SOX6: variants seen among roughly 807,000 people sequenced by gnomAD.
The protein encoded by SOX6 is transcription factor SOX-6.
SOX6 carries 11 observed loss-of-function variants against 97.8 expected under a neutral mutation model. That is an observed-to-expected ratio of 0.11 (90% CI 0.07 to 0.19). The LOEUF (loss-of-function observed/expected upper bound fraction) is 0.19. Among genes scored for constraint, SOX6 ranks in the 10% least tolerant of loss-of-function variants. The pLI is 1.00. For synonymous variants in SOX6, 360 were observed against 371.4 expected, an observed-to-expected ratio of 0.97 and a Z score of 0.35; for missense variants, 810 against 1,039.5, an observed-to-expected ratio of 0.78 and a Z score of 3.04.
intron 6 of SOX6, among the ~76,000 whole-genome samples, chr11:16,122,989 A>G (rs16932580): frequency 0.093 from 14,196 of 152,054 alleles, 1,354 homozygotes; most frequent in East Asian, 0.37. Flanking sequence ...GTCTAACTTT[A>G]AAGTTCACCA....
intron 4 of SOX6, among the ~76,000 whole-genome samples, chr11:16,513,936 C>T (rs919431903): frequency 6.6e-6 from 1 of 152,000 alleles, no homozygotes; most frequent in Non-Finnish European, 1.5e-5. Context: ...AGACTGCAAA[C>T]TGTTGGGATT....
chr11:16,537,173 C>T (rs1418181510), intron 4 of SOX6, among the ~76,000 whole-genome samples: 4 of 152,182 alleles, frequency 2.6e-5, no homozygotes, highest in Non-Finnish European at 4.4e-5. Flanking sequence ...GTTGGTGATA[C>T]CCAGGCAAAC....
At chr11:16,629,895 ATAATATTTTCTATGG>A (rs2133994865) in intron 3 of SOX6, among the ~76,000 whole-genome samples, 1 of 152,318 alleles carries the variant, frequency 6.6e-6, no homozygotes, top group African/African-American at 2.4e-5. Context: ...AGAGATGTTC[ATAATATTTTCTATGG>A]ATATTTTGTA....
chr11:16,687,089 C>G (rs1408401373), intron 3 of SOX6, among the ~76,000 whole-genome samples: 2 of 152,196 alleles, frequency 1.3e-5, no homozygotes, highest in Admixed American at 1.3e-4. Flanking sequence ...CATGCTGATG[C>G]ACTCCAGCCT....
intron 9 of SOX6, among the ~76,000 whole-genome samples, chr11:16,067,811 C>T (rs1196040172): frequency 6.6e-6 from 1 of 151,850 alleles, no homozygotes; most frequent in Non-Finnish European, 1.5e-5. Flanking sequence ...CTACTATGTG[C>T]CCACAAAAAT....
At chr11:16,666,562 T>C (rs1486978778) in intron 3 of SOX6, among the ~76,000 whole-genome samples, 1 of 152,140 alleles carries the variant, frequency 6.6e-6, no homozygotes. Context: ...TCCCAGCTCT[T>C]TGGAAGGCCA....
chr11:16,058,995 G>GC (rs1847883278), intron 9 of SOX6, among the ~76,000 whole-genome samples: 1 of 152,018 alleles, frequency 6.6e-6, no homozygotes. Flanking sequence ...GATACATGAT[G>GC]CCTTCAATTC....
intron 2 of SOX6, among the ~76,000 whole-genome samples, chr11:16,336,551 T>C (rs923194587): frequency 2.6e-5 from 4 of 152,194 alleles, no homozygotes; most frequent in Non-Finnish European, 5.9e-5. Flanking sequence ...AATGGTTTCC[T>C]AATCGGTGTC....
At chr11:16,036,210 G>A (rs1220856507) in intron 12 of SOX6, among the ~76,000 whole-genome samples, 2 of 151,780 alleles carry the variant, frequency 1.3e-5, no homozygotes, top group African/African-American at 4.8e-5. Context: ...CTCCCGAGTA[G>A]CTGGGATTAC....
Position 16,730,029 on chromosome 11 carries a change from A to AATATATATATAT in SOX6, n.353+6298_353+6309dup, listed in dbSNP as rs34591978. ...GCAACAAGAAGAGCTAACTATCCTAAATATATATATATATATATATCCTAA... is the reference window on the plus strand; with the variant it reads ...GCAACAAGAAGAGCTAACTATCCTAAATATATATATATATATATATATATATATATATCCTAA... On this transcript the variant is annotated intron_variant and non_coding_transcript_variant, in intron 2 of 5. Coordinates refer to the SOX6 transcript ENST00000524520. Among the ~76,000 whole-genome samples, 329 of 142,604 alleles carry AATATATATATAT rather than the reference A, an allele frequency of 2.3e-3. 1 individual carries two copies. Among genetic ancestry groups the AATATATATATAT allele is most frequent in the African/African-American group, 7.5e-3 (288 of 38,542 alleles). The allele number at this position is 142,604 out of a possible 152,430, so 93.6% of individuals were successfully genotyped here. A position where few individuals can be genotyped will look rare whatever the true frequency, so the allele number is the denominator to read the frequency against.
chr11:16,658,717 A>AG (rs1200110216), intron 3 of SOX6, among the ~76,000 whole-genome samples: 1 of 152,174 alleles, frequency 6.6e-6, no homozygotes, highest in Admixed American at 6.5e-5. Flanking sequence ...CAAAAAAAAA[A>AG]AAATGTTCTC....
intron 12 of SOX6, among the ~76,000 whole-genome samples, chr11:16,025,176 T>G (rs1358178691): frequency 6.6e-6 from 1 of 152,178 alleles, no homozygotes; most frequent in Non-Finnish European, 1.5e-5. Flanking sequence ...AACTCCCAAG[T>G]AGAGTTATAA....
chr11:16,197,599 T>C (rs78437071), intron 4 of SOX6, among the ~76,000 whole-genome samples: 345 of 152,314 alleles, frequency 2.3e-3, no homozygotes, highest in African/African-American at 8.0e-3. Context: ...GCTGGATAAA[T>C]AGCATGTTCT....
chr11:16,554,374 GT>G (rs984833548), intron 4 of SOX6, among the ~76,000 whole-genome samples: 3 of 151,982 alleles, frequency 2.0e-5, no homozygotes, highest in Non-Finnish European at 4.4e-5. Flanking sequence ...ATTAACTTAG[GT>G]TTTTTCCCCT....
chr11:16,201,898 G>T lies in SOX6; in HGVS notation c.536-14943C>A, dbSNP rs535319270. ...TCCGCCCGCCTCGGCCTCCCAAAGT[G>T]CTGGGATTACAGGCGTGAGCCACCG... On this transcript the variant is annotated intron_variant, in intron 4 of 15. Coordinates refer to ENST00000683767, the MANE Select transcript of SOX6 (RefSeq NM_001367873.1). Among the ~76,000 whole-genome samples, 2 of 135,504 alleles carry T rather than the reference G, an allele frequency of 1.5e-5. 1 individual carries two copies. Among genetic ancestry groups the T allele is most frequent in the East Asian group, 9.8e-4 (2 of 2,042 alleles). 88.9% of individuals were successfully genotyped at this position (135,504 alleles called of 152,430 possible). A position where few individuals can be genotyped will look rare whatever the true frequency, so the allele number is the denominator to read the frequency against.
intron 1 of SOX6, among the ~76,000 whole-genome samples, chr11:16,409,289 C>CAAAAAAAAA (rs60016649): frequency 7.0e-6 from 1 of 143,244 alleles, no homozygotes; most frequent in Non-Finnish European, 1.5e-5. Context: ...AACCCCCCTC[C>CAAAAAAAAA]AAAAAAAAAA....
At chr11:16,563,329 T>C (rs554304612) in intron 4 of SOX6, among the ~76,000 whole-genome samples, 39 of 152,252 alleles carry the variant, frequency 2.6e-4, no homozygotes, top group African/African-American at 8.9e-4. Flanking sequence ...CGTTTAGTTC[T>C]AGCTACTCAA....
At chr11:16,260,501 G>C (rs1687680529) in intron 3 of SOX6, among the ~76,000 whole-genome samples, 1 of 152,094 alleles carries the variant, frequency 6.6e-6, no homozygotes, top group Admixed American at 6.6e-5. Flanking sequence ...GCCAAAAAGA[G>C]ATCATCTGAC....
chr11:16,467,487 G>T (rs1471652393), intron 1 of SOX6, among the ~76,000 whole-genome samples: 2 of 152,204 alleles, frequency 1.3e-5, no homozygotes, highest in African/African-American at 4.8e-5. Flanking sequence ...TCCTTTGCAG[G>T]ACATGGATGG....
Sources: allele counts gnomAD v4.1 joint callset (sites outside exome capture counted in the v4.1 genomes callset), GRCh38; gene constraint gnomAD v4.1.1; transcripts MANE v1.5; gene names NCBI Gene and HGNC (gene_info 2026-07-23, HGNC 2026-07-21).